PKD1L1: variants seen among roughly 807,000 people sequenced by gnomAD.
The protein encoded by PKD1L1 is polycystin-1-like protein 1.
In PKD1L1, 236 loss-of-function variants were observed where a neutral mutation model predicts 323.4. That is an observed-to-expected ratio of 0.73 (90% CI 0.66 to 0.81). The LOEUF is 0.81. PKD1L1 is among the 40% of genes least tolerant of loss of function. The pLI is 0.00. For synonymous variants in PKD1L1, 1,344 were observed against 1,335.0 expected, an observed-to-expected ratio of 1.01 and a Z score of -0.15; for missense variants, 3,320 against 3,508.0, an observed-to-expected ratio of 0.95 and a Z score of 1.35.
chr7:47,858,814 C>T lies in PKD1L1; in HGVS notation c.4221G>A (p.Gly1407=). 1.9e-6 allele frequency: 3 copies of T among 1,614,144 alleles called. No homozygotes were observed. Among genetic ancestry groups the T allele is most frequent in the Non-Finnish European group, 2.5e-6 (3 of 1,180,032 alleles). Residue 1407 remains glycine (G), a synonymous_variant, in exon 27 of 57, where the codon GGG becomes GGA. Coordinates refer to ENST00000289672, the MANE Select transcript of PKD1L1 (RefSeq NM_138295.5). ...RALLAQGQFS[G]PFVIDKGVRL... is the part of the protein sequence containing the mutation. ...TCACTCCTTTGTCAATCACAAATGG[C>T]CCCGAGAACTGGCCTTGAGCAAGGA... is the stretch of plus-strand genomic sequence containing the variant.
intron 19 of PKD1L1, among the ~76,000 whole-genome samples, chr7:47,884,187 CG>C (rs1009590960): frequency 2.4e-5 from 3 of 125,690 alleles, no homozygotes; most frequent in Non-Finnish European, 4.8e-5. Context: ...GGGGGGAAGG[CG>C]GGGGGAGTGG....
intron 19 of PKD1L1, 27 bp downstream of exon 19, chr7:47,884,571 A>G (rs771548078): frequency 2.3e-5 from 37 of 1,604,888 alleles, no homozygotes; most frequent in Non-Finnish European, 2.9e-5. Flanking sequence ...GAGTGGAGAG[A>G]GGCAGCAGGC....
At chr7:47,874,831 A>C (rs996085673) in intron 23 of PKD1L1, among the ~76,000 whole-genome samples, 2 of 152,182 alleles carry the variant, frequency 1.3e-5, no homozygotes, top group Non-Finnish European at 2.9e-5. Flanking sequence ...AGTATTTACT[A>C]TATTGTATTT....
chr7:47,821,621 A>G (rs1472848470), intron 45 of PKD1L1, among the ~76,000 whole-genome samples: 1 of 150,986 alleles, frequency 6.6e-6, no homozygotes, highest in Non-Finnish European at 1.5e-5. Flanking sequence ...AAATTTTTGT[A>G]TAATAGTGTG....
chr7:47,814,081 G>T, intron 47 of PKD1L1, 67 bp from the exon 48 acceptor site: 1 of 1,344,212 alleles, frequency 7.4e-7, no homozygotes, highest in Non-Finnish European at 1.1e-6. Flanking sequence ...CATCAAGCGT[G>T]CTCAAAAGGC....
chr7:47,959,016 G>A, the PKD1L1 span, among the ~76,000 whole-genome samples: 1 of 152,260 alleles, frequency 6.6e-6, no homozygotes, highest in South Asian at 2.1e-4. Flanking sequence ...TGGAGACGGG[G>A]TTTCGCTGTG....
At chr7:47,906,545 G>A (rs1457402020) in intron 9 of PKD1L1, among the ~76,000 whole-genome samples, 1 of 151,848 alleles carries the variant, frequency 6.6e-6, no homozygotes, top group East Asian at 1.9e-4. Context: ...ATGTACATAT[G>A]TATGTACATA....
intron 49 of PKD1L1, among the ~76,000 whole-genome samples, chr7:47,812,639 G>A (rs1286342101): frequency 1.3e-5 from 2 of 152,190 alleles, no homozygotes; most frequent in East Asian, 3.9e-4. Flanking sequence ...ACGGGTGGCT[G>A]TGGACAACAG....
intron 14 of PKD1L1, among the ~76,000 whole-genome samples, chr7:47,897,329 C>A (rs1786977933): frequency 6.6e-6 from 1 of 152,194 alleles, no homozygotes; most frequent in Admixed American, 6.5e-5. Flanking sequence ...TGATCAGGTT[C>A]CCGCAGCCTG....
intron 46 of PKD1L1, among the ~76,000 whole-genome samples, chr7:47,817,394 C>T (rs1329498222): frequency 6.6e-6 from 1 of 152,164 alleles, no homozygotes; most frequent in African/African-American, 2.4e-5. Flanking sequence ...GGACACTCCA[C>T]TGTTGATTCA....
intron 55 of PKD1L1, 87 bp downstream of exon 55, chr7:47,795,902 T>C (rs900918615): frequency 3.0e-5 from 44 of 1,466,094 alleles, no homozygotes; most frequent in Middle Eastern, 1.7e-4. Flanking sequence ...TACTCATGCT[T>C]TGATAACTGA....
At chr7:47,830,386 G>A (rs75816128) in intron 42 of PKD1L1, among the ~76,000 whole-genome samples, 2,636 of 152,318 alleles carry the variant, frequency 0.017, 74 homozygotes, top group African/African-American at 0.06. Flanking sequence ...AGATGAAACA[G>A]AGCACAGAGA....
intron 24 of PKD1L1, 25 bp from the exon 25 acceptor site, chr7:47,866,639 T>C (rs1316011313): frequency 1.3e-6 from 2 of 1,565,860 alleles, no homozygotes; most frequent in East Asian, 2.3e-5. Flanking sequence ...AGAGTTATCA[T>C]TACTGTTCCA....
intron 18 of PKD1L1, 49 bp from the exon 19 acceptor site, chr7:47,884,706 C>G: frequency 6.6e-7 from 1 of 1,509,722 alleles, no homozygotes; most frequent in Non-Finnish European, 9.2e-7. Flanking sequence ...TCACAGAATC[C>G]CCTGAAATTA....
At chr7:47,835,306 A>C (rs1785435102) in intron 37 of PKD1L1, 63 bp from the exon 38 acceptor site, 1 of 1,013,962 alleles carries the variant, frequency 9.9e-7, no homozygotes. Flanking sequence ...AAACGCAGTC[A>C]TTGTGTAATT....
At chr7:47,811,689 C>T in intron 50 of PKD1L1, 128 bp downstream of exon 50, 1 of 724,272 alleles carries the variant, frequency 1.4e-6, no homozygotes, top group Non-Finnish European at 2.3e-6. Context: ...GGGGATGTGA[C>T]AAAGAGTGTG....
At chr7:47,787,928 C>T (rs1009308747) in intron 56 of PKD1L1, among the ~76,000 whole-genome samples, 10 of 152,020 alleles carry the variant, frequency 6.6e-5, no homozygotes, top group East Asian at 5.8e-4. Flanking sequence ...CCAGACTGGT[C>T]GCGAACTCCT....
At chr7:47,822,810 A>G (rs1785173760) in intron 45 of PKD1L1, among the ~76,000 whole-genome samples, 1 of 152,166 alleles carries the variant, frequency 6.6e-6, no homozygotes, top group Non-Finnish European at 1.5e-5. Flanking sequence ...ACATCCATGT[A>G]CTTCATTTAT....
chr7:47,949,282 T>C (rs566906348), upstream of PKD1L1, among the ~76,000 whole-genome samples: 93 of 144,256 alleles, frequency 6.4e-4, no homozygotes, highest in East Asian at 0.018. Flanking sequence ...GGCAGGAGAA[T>C]TGCTCGAAAC....
Sources: allele counts gnomAD v4.1 joint callset (sites outside exome capture counted in the v4.1 genomes callset), GRCh38; gene constraint gnomAD v4.1.1; transcripts MANE v1.5; gene names NCBI Gene and HGNC (gene_info 2026-07-23, HGNC 2026-07-21).